Variants in LPGAT1 observed in about 807,000 individuals in gnomAD.
The protein encoded by LPGAT1 is acyl-CoA:lysophosphatidylglycerol acyltransferase 1.
A neutral mutation model predicts 47.5 loss-of-function variants in LPGAT1; 11 were observed. The ratio of observed to expected loss-of-function variants is 0.23; its 90% CI spans 0.15 to 0.38. LPGAT1 has a LOEUF of 0.38. Ranked by LOEUF, LPGAT1 falls within the 10% of genes least tolerant of loss-of-function variation. The pLI, the probability that LPGAT1 is intolerant of heterozygous loss-of-function variation, is 1.00. For synonymous variants in LPGAT1, 138 were observed against 144.2 expected (o/e 0.96, Z 0.31); for missense variants, 293 against 439.0 (o/e 0.67, Z 2.97).
intron 6 of LPGAT1, among the ~76,000 whole-genome samples, chr1:211,771,517 T>C (rs565178298): frequency 9.9e-5 from 15 of 152,236 alleles, no homozygotes; most frequent in African/African-American, 3.6e-4. Context: ...TATTATTATT[T>C]TTTTGAGACA....
chr1:211,777,401 T>C (rs187180428), intron 6 of LPGAT1, among the ~76,000 whole-genome samples: 3 of 152,320 alleles, frequency 2.0e-5, no homozygotes, highest in Non-Finnish European at 4.4e-5. Context: ...TCCTCACTTG[T>C]CCTTGGTAGT....
chr1:211,768,883 T>G (rs1658049280), intron 6 of LPGAT1, among the ~76,000 whole-genome samples: 1 of 152,176 alleles, frequency 6.6e-6, no homozygotes, highest in South Asian at 2.1e-4. Context: ...AAGGGAAGAC[T>G]TCTCGTGGAG....
intron 6 of LPGAT1, among the ~76,000 whole-genome samples, chr1:211,756,019 T>G (rs569239997): frequency 6.6e-6 from 1 of 152,116 alleles, no homozygotes. Flanking sequence ...AGGTGGATCA[T>G]GAGGTCAGGG....
In LPGAT1 at chr1:211,744,554, A is replaced by G. The variant is rs1198190062; in HGVS notation, c.*5345T>C. On this transcript the variant is annotated 3_prime_UTR_variant, in exon 8 of 8. Coordinates refer to ENST00000366997, the MANE Select transcript of LPGAT1 (RefSeq NM_014873.3). ...GACTGTAGGAGTTGAGCAAAAAGCA[A>G]TTAAGTATCCTTTTAAAAAAGCATT... 6.6e-6 allele frequency: 1 copy of G among 152,258 alleles called. No homozygotes were observed. Among genetic ancestry groups the G allele is most frequent in the African/African-American group, 2.4e-5 (1 of 41,478 alleles). 9.4% of individuals were successfully genotyped at this position (152,258 alleles called of 1,614,324 possible).
intron 2 of LPGAT1, among the ~76,000 whole-genome samples, chr1:211,794,335 G>A (rs753716620): frequency 6.6e-6 from 1 of 152,056 alleles, no homozygotes; most frequent in African/African-American, 2.4e-5. Context: ...ATCTTGCTCT[G>A]TTACCTTGGC....
At chr1:211,823,215 T>A (rs377520019) in intron 2 of LPGAT1, among the ~76,000 whole-genome samples, 9 of 152,114 alleles carry the variant, frequency 5.9e-5, no homozygotes, top group African/African-American at 1.9e-4. Flanking sequence ...AATTTCAACA[T>A]CTATAACAAA....
chr1:211,801,188 C>T (rs1659559280), intron 2 of LPGAT1, among the ~76,000 whole-genome samples: 1 of 152,136 alleles, frequency 6.6e-6, no homozygotes, highest in Non-Finnish European at 1.5e-5. Flanking sequence ...CATAAACTCC[C>T]CATGCAAAAG....
chr1:211,816,102 T>TCC (rs899528611), intron 2 of LPGAT1, among the ~76,000 whole-genome samples: 5 of 152,154 alleles, frequency 3.3e-5, no homozygotes, highest in African/African-American at 1.2e-4. Flanking sequence ...GTGCATGCTG[T>TCC]CCCTCCTCCT....
Position 211,830,555 on chromosome 1 carries a change from C to A in LPGAT1, c.-28+18G>T. The A allele has an allele frequency of 8.3e-7, 1 of 1,207,756 alleles. No homozygotes were observed. 74.8% of individuals were successfully genotyped at this position (1,207,756 alleles called of 1,614,324 possible). A position where few individuals can be genotyped will look rare whatever the true frequency, so the allele number is the denominator to read the frequency against. ...CCGCTGCCGCTCTGGGGCCTGCGAC[C>A]GCGGAGCCGGAGGTTACCTCGGGCT... On this transcript the variant is annotated intron_variant, in intron 1 of 7. Coordinates refer to ENST00000366997, the MANE Select transcript of LPGAT1 (RefSeq NM_014873.3). This position sits in a 1 kb window ranked among gnomAD's most constrained non-coding sequence, Gnocchi z 5.9.
At chr1:211,794,807 G>A (rs1258813179) in intron 2 of LPGAT1, among the ~76,000 whole-genome samples, 1 of 152,174 alleles carries the variant, frequency 6.6e-6, no homozygotes, top group Admixed American at 6.5e-5. Flanking sequence ...AATAGGGATA[G>A]GGAGACCTGT....
At chr1:211,828,118 C>T (rs930575569) in intron 2 of LPGAT1, among the ~76,000 whole-genome samples, 2 of 152,202 alleles carry the variant, frequency 1.3e-5, no homozygotes, top group Non-Finnish European at 2.9e-5. Flanking sequence ...CCTCCTCACT[C>T]TGCCAAGCTA....
chr1:211,763,318 A>G (rs1295192826), intron 6 of LPGAT1, among the ~76,000 whole-genome samples: 1 of 152,178 alleles, frequency 6.6e-6, no homozygotes, highest in Non-Finnish European at 1.5e-5. Context: ...TGAGTTATCA[A>G]TGGAGTAGGT....
At chr1:211,752,844 A>C (rs1049361260) in intron 6 of LPGAT1, among the ~76,000 whole-genome samples, 2 of 151,998 alleles carry the variant, frequency 1.3e-5, no homozygotes, top group African/African-American at 4.8e-5. Context: ...TTTGTGCCTA[A>C]TAACCTTTAC....
chr1:211,824,764 C>T (rs189146849), intron 2 of LPGAT1, among the ~76,000 whole-genome samples: 8 of 152,280 alleles, frequency 5.3e-5, no homozygotes, highest in Non-Finnish European at 7.4e-5. Flanking sequence ...ATTGGTTTTA[C>T]GGCTCAAAGG....
Position 211,829,160 on chromosome 1 carries a change from A to G in LPGAT1, c.137T>C (p.Leu46Pro). The part of the protein sequence containing the change: ...YICYVIILQP[L>P]RVLDSKRFWY... The stretch of plus-strand genomic sequence containing the variant: ...GAACCGCTTACTGTCCAGCACTCGA[A>G]GGGGCTGAAGTATAATTACATAGCA... The change falls in exon 2 of 8, where the codon CTT becomes CCT. Residue 46 changes from leucine to proline, a missense_variant. Leu to Pro is a moderately conservative substitution (Grantham distance 98). Transcript: ENST00000366997. 1 of 1,614,176 alleles carries G rather than the reference A, an allele frequency of 6.2e-7. No individual in the cohort carries two copies. Among genetic ancestry groups the G allele is most frequent in the Non-Finnish European group, 8.5e-7 (1 of 1,180,034 alleles).
intron 1 of LPGAT1, chr1:211,829,971 TAGGGGGA>T: frequency 1.0e-6 from 1 of 971,632 alleles, no homozygotes; most frequent in South Asian, 4.8e-5. Flanking sequence ...AGGACAGGAG[TAGGGGGA>T]AGGGAGCAAA....
intron 2 of LPGAT1, among the ~76,000 whole-genome samples, chr1:211,820,988 A>G (rs1660351056): frequency 6.6e-6 from 1 of 152,220 alleles, no homozygotes; most frequent in Admixed American, 6.5e-5. Context: ...AAAAAATTCA[A>G]TCTGGCTTCA....
Position 211,830,299 on chromosome 1 carries a change from G to C in LPGAT1, c.-28+274C>G, listed in dbSNP as rs1660689649. On this transcript the variant is annotated intron_variant, in intron 1 of 7. Coordinates refer to ENST00000366997, the MANE Select transcript of LPGAT1 (RefSeq NM_014873.3). This position sits in a 1 kb window ranked among gnomAD's most constrained non-coding sequence, Gnocchi z 5.9. ...GCGGCCCGAGGCGCTGCGCGAGCGG[G>C]CGCGCTGGCGCCCTACTCCCCTCGC... The C allele has an allele frequency of 9.4e-7, 1 of 1,067,460 alleles. No individual in the cohort carries two copies. The highest frequency in any genetic ancestry group is 4.5e-5 in the South Asian group (1 of 22,072). The allele number at this position is 1,067,460 out of a possible 1,614,324, so 66.1% of individuals were successfully genotyped here.
intron 6 of LPGAT1, among the ~76,000 whole-genome samples, chr1:211,776,315 T>A (rs1658397099): frequency 1.3e-5 from 2 of 152,112 alleles, no homozygotes; most frequent in African/African-American, 4.8e-5. Flanking sequence ...GGCTGGCAGA[T>A]CACTTGAGGT....
Sources: gnomAD v4.1 joint callset for allele counts (sites outside exome capture counted in the v4.1 genomes callset) on GRCh38, gnomAD v4.1.1 for gene constraint, Gnocchi (gnomAD v3.1) non-coding constraint, MANE v1.5 for transcripts, NCBI Gene and HGNC (gene_info 2026-07-23, HGNC 2026-07-21) for gene names.